The following ZDHHC2 variants were observed in gnomAD, a reference collection of about 807,000 sequenced individuals.
The protein encoded by ZDHHC2 is palmitoyltransferase ZDHHC2.
ZDHHC2 carries 51 observed loss-of-function variants against 55.6 expected under a neutral mutation model. The observed-to-expected ratio is 0.92, with a 90% CI of 0.73 to 1.16. The LOEUF (loss-of-function observed/expected upper bound fraction) is 1.16. Among genes scored for constraint, ZDHHC2 ranks in the 50% most tolerant of loss-of-function variants. The pLI is 0.00. For missense variants in ZDHHC2, 491 were observed against 442.4 expected, an observed-to-expected ratio of 1.11 and a Z score of -0.99; for synonymous variants, 199 against 152.9, an observed-to-expected ratio of 1.30 and a Z score of -2.22.
intron 1 of ZDHHC2, among the ~76,000 whole-genome samples, chr8:17,177,901 C>T (rs1356798645): frequency 2.0e-5 from 3 of 151,648 alleles, no homozygotes; most frequent in Non-Finnish European, 2.9e-5. Flanking sequence ...ATTATTCCTC[C>T]AAAGGAGAGA....
rs1805718438 is a variant in ZDHHC2 at position 17,186,480 on chromosome 8, G to C, written c.252+55G>C. ...AATAATAGAAATCAATAATACTGAT[G>C]TATTATTGAAGAACGAATTTTATTT... On this transcript the variant is annotated intron_variant, in intron 3 of 12. Transcript: ENST00000262096. 9.3e-6 allele frequency: 10 copies of C among 1,076,122 alleles called. No homozygotes were observed. In the Admixed American group the frequency reaches 1.8e-4, roughly 19 times the overall value. 66.7% of individuals were successfully genotyped at this position (1,076,122 alleles called of 1,614,324 possible).
At chr8:17,191,251 C>T (rs1392219244) in intron 3 of ZDHHC2, among the ~76,000 whole-genome samples, 1 of 152,178 alleles carries the variant, frequency 6.6e-6, no homozygotes, top group East Asian at 1.9e-4. Context: ...TGAGCCATGG[C>T]ACCTGGCCCA....
At chr8:17,191,405 T>C (rs1201780202) in intron 3 of ZDHHC2, among the ~76,000 whole-genome samples, 1 of 152,204 alleles carries the variant, frequency 6.6e-6, no homozygotes, top group East Asian at 1.9e-4. Context: ...CCTTATTCAT[T>C]CTTTCTAACT....
intron 1 of ZDHHC2, among the ~76,000 whole-genome samples, chr8:17,176,776 T>C (rs908469207): frequency 6.6e-6 from 1 of 151,904 alleles, no homozygotes; most frequent in African/African-American, 2.4e-5. Context: ...GCAGGCGTTT[T>C]GAGTTATCAA....
intron 3 of ZDHHC2, among the ~76,000 whole-genome samples, chr8:17,191,738 C>T (rs9785170): frequency 0.27 from 41,013 of 152,096 alleles, 8,552 homozygotes; most frequent in African/African-American, 0.57. Flanking sequence ...ACTGAGTTTC[C>T]TTTCAAATCT....
At chr8:17,195,835 C>T (rs1369338144) in intron 4 of ZDHHC2, among the ~76,000 whole-genome samples, 3 of 145,532 alleles carry the variant, frequency 2.1e-5, no homozygotes, top group Admixed American at 2.1e-4. Context: ...GCAAGGAAAT[C>T]AGAACTGACT....
intron 6 of ZDHHC2, among the ~76,000 whole-genome samples, chr8:17,199,350 C>T (rs990561086): frequency 1.1e-4 from 17 of 152,126 alleles, no homozygotes; most frequent in Non-Finnish European, 1.6e-4. Context: ...CAATAAATAA[C>T]GCCCCCTTCG....
intron 1 of ZDHHC2, among the ~76,000 whole-genome samples, chr8:17,158,166 G>A (rs1350274477): frequency 1.3e-5 from 2 of 152,138 alleles, no homozygotes; most frequent in African/African-American, 4.8e-5. Context: ...ATGCATTTAG[G>A]TATGCAGTCG....
intron 1 of ZDHHC2, among the ~76,000 whole-genome samples, chr8:17,180,344 T>G (rs1805366204): frequency 2.0e-5 from 3 of 152,202 alleles, no homozygotes; most frequent in African/African-American, 7.2e-5. Context: ...GTTTCTGAAA[T>G]GACACATCCG....
rs755390662 is a variant in ZDHHC2 at position 17,209,925 on chromosome 8, T to C, written c.731-7T>C. 36 of 1,604,198 alleles carry C rather than the reference T, an allele frequency of 2.2e-5. No individual in the cohort carries two copies. Among genetic ancestry groups the C allele is most frequent in the Non-Finnish European group, 2.6e-6 (3 of 1,176,370 alleles). ...ACTCATGTGATTCCTTTACCATCTT[T>C]TTTTAGAGGCATTCAGAAGTCCAGT... On this transcript the variant is annotated splice_polypyrimidine_tract_variant and splice_region_variant and intron_variant, in intron 8 of 12. Transcript: ENST00000262096.
chr8:17,167,675 G>A (rs1442913899), intron 1 of ZDHHC2, among the ~76,000 whole-genome samples: 1 of 152,026 alleles, frequency 6.6e-6, no homozygotes, highest in African/African-American at 2.4e-5. Flanking sequence ...AATGCTATCT[G>A]TAATGAGAAT....
chr8:17,224,454 C>G lies in ZDHHC2; in HGVS notation c.*4233C>G, dbSNP rs916382318. 4.0e-5 allele frequency: 6 copies of G among 151,526 alleles called. No homozygotes were observed. The highest frequency in any genetic ancestry group is 7.4e-5 in the Non-Finnish European group (5 of 67,624). The allele number at this position is 151,526 out of a possible 1,614,324, so 9.4% of individuals were successfully genotyped here. On this transcript the variant is annotated 3_prime_UTR_variant, in exon 13 of 13. Coordinates refer to ENST00000262096, the MANE Select transcript of ZDHHC2 (RefSeq NM_016353.5). ...TCCCTTTTGCTCAGGAAAAATAGTA[C>G]TACTTTATGGTTTATGAAAACCTAT...
chr8:17,198,687 G>C, intron 6 of ZDHHC2, among the ~76,000 whole-genome samples: 1 of 152,182 alleles, frequency 6.6e-6, no homozygotes. Flanking sequence ...GCATGTGCAT[G>C]AACAGAGATT....
At position 17,223,352 on chromosome 8, in the gene ZDHHC2, C is replaced by G. The variant is rs1364767029; in HGVS notation, c.*3131C>G. The G allele has an allele frequency of 1.3e-5, 2 of 151,840 alleles. No homozygotes were observed. Among genetic ancestry groups the G allele is most frequent in the Non-Finnish European group, 3.0e-5 (2 of 67,776 alleles). 9.4% of individuals were successfully genotyped at this position (151,840 alleles called of 1,614,324 possible). On this transcript the variant is annotated 3_prime_UTR_variant, in exon 13 of 13. Transcript: ENST00000262096. The stretch of plus-strand genomic sequence containing the variant: ...CCAGCACAACCATCCCACCCACACA[C>G]CTAGACTACAGATTCTGATCTGTGA...
chr8:17,184,031 C>G (rs1805572782), intron 1 of ZDHHC2, among the ~76,000 whole-genome samples: 2 of 152,158 alleles, frequency 1.3e-5, no homozygotes, highest in Admixed American at 1.3e-4. Flanking sequence ...TATACAAAGT[C>G]AGACTTGCTA....
rs114138252 is a variant in ZDHHC2, at chr8:17,181,552, A to G, written c.131-3237A>G. ...TAAAGGAAATGAGATAAAGAAGGCT[A>G]TACAACACTTGAAATTTCTCTATGG... is the stretch of plus-strand genomic sequence containing the variant. On this transcript the variant is annotated intron_variant, in intron 1 of 12. Transcript: ENST00000262096. Among the ~76,000 whole-genome samples, 252 of 152,352 alleles carry G rather than the reference A, an allele frequency of 1.7e-3. 1 individual carries two copies. Among genetic ancestry groups the G allele is most frequent in the African/African-American group, 5.9e-3 (246 of 41,582 alleles).
At chr8:17,210,973 G>T (rs1271808343) in intron 10 of ZDHHC2, among the ~76,000 whole-genome samples, 1 of 152,026 alleles carries the variant, frequency 6.6e-6, no homozygotes, top group Non-Finnish European at 1.5e-5. Flanking sequence ...AGACCTCTAA[G>T]GATTATCTGA....
intron 1 of ZDHHC2, among the ~76,000 whole-genome samples, chr8:17,160,084 A>G (rs1014624907): frequency 9.2e-5 from 14 of 152,174 alleles, no homozygotes; most frequent in Non-Finnish European, 1.6e-4. Context: ...CGAGCACACG[A>G]CGTGGTTTAT....
chr8:17,212,769 A>T (rs1807447920), intron 10 of ZDHHC2, among the ~76,000 whole-genome samples: 1 of 152,024 alleles, frequency 6.6e-6, no homozygotes, highest in Non-Finnish European at 1.5e-5. Context: ...CCATCACTTA[A>T]CAAGACTGAT....
Sources: allele counts gnomAD v4.1 joint callset (sites outside exome capture counted in the v4.1 genomes callset), GRCh38; gene constraint gnomAD v4.1.1; transcripts MANE v1.5; gene names NCBI Gene and HGNC (gene_info 2026-07-23, HGNC 2026-07-21).